The following KRI1 variants were observed in gnomAD, a reference collection of about 807,000 sequenced individuals.
KRI1 encodes the protein KRI1 homolog.
Under a neutral mutation model 97.0 loss-of-function variants are expected in KRI1, and 83 were observed. The observed-to-expected ratio is 0.86, with a 90% CI of 0.72 to 1.03. The LOEUF is 1.03. Among genes scored for constraint, KRI1 ranks in the 50% least tolerant of loss-of-function variants. The probability of loss-of-function intolerance (pLI) is 0.00; values close to 1 mark genes in which losing one functional copy is unlikely to be tolerated. For synonymous variants in KRI1, 371 were observed against 363.5 expected (o/e 1.02, Z -0.23); for missense variants, 916 against 928.4 (o/e 0.99, Z 0.17).
Position 10,557,549 on chromosome 19 carries a change from T to C in KRI1, c.1617+3A>G, listed in dbSNP as rs1489567802. 2 of 1,612,516 alleles carry C rather than the reference T, an allele frequency of 1.2e-6. No individual in the cohort carries two copies. The highest frequency in any genetic ancestry group is 1.7e-6 in the Non-Finnish European group (2 of 1,178,654). Reference sequence around the variant, plus strand: ...AGTGTCCCTGCCTGCCCGGGGCCCCTACCTCCTCAGTGCTGAGGCCAAAGT... The same window carrying C: ...AGTGTCCCTGCCTGCCCGGGGCCCCCACCTCCTCAGTGCTGAGGCCAAAGT... On this transcript the variant is annotated splice_donor_region_variant and intron_variant, in intron 16 of 18. Coordinates refer to ENST00000312962, the MANE Select transcript of KRI1 (RefSeq NM_023008.5).
At chr19:10,565,460 G>A (rs1351638512) in intron 2 of KRI1, 8 of 553,694 alleles carry the variant, frequency 1.4e-5, no homozygotes, top group East Asian at 9.7e-5. Context: ...GAAAGGGGGG[G>A]TTCTTGGGGG....
chr19:10,562,976 G>A (rs907091237), intron 3 of KRI1, 139 bp from the exon 4 acceptor site: 6 of 615,910 alleles, frequency 9.7e-6, no homozygotes, highest in African/African-American at 9.1e-5. Context: ...CAAGAGTATT[G>A]TGCTTGTCAC....
intron 15 of KRI1, 26 bp downstream of exon 15, chr19:10,557,743 C>G: frequency 6.2e-7 from 1 of 1,613,482 alleles, no homozygotes; most frequent in Admixed American, 1.7e-5. Flanking sequence ...CCCTGCCTAC[C>G]CACGGCCTGC....
chr19:10,554,977 CG>C, intron 18 of KRI1, 109 bp downstream of exon 18: 4 of 832,482 alleles, frequency 4.8e-6, no homozygotes, highest in South Asian at 1.7e-5. Flanking sequence ...GGTCTCAGAG[CG>C]GGGGGCGCTG....
intron 12 of KRI1, among the ~76,000 whole-genome samples, chr19:10,558,730 G>C (rs1265836862): frequency 6.6e-6 from 1 of 151,190 alleles, no homozygotes; most frequent in East Asian, 2.0e-4. Flanking sequence ...TTTTGAGACA[G>C]CGTCTCACCC....
rs771838615 is a variant in KRI1 at position 10,565,898 on chromosome 19, G to A, written c.94+8C>T. On this transcript the variant is annotated splice_region_variant and intron_variant, in intron 1 of 18. Transcript: ENST00000312962. ...GCAGGCTCCCGCGCGCATGCGCCCC[G>A]CACTCACGCCGCTGCAGTTCCTCGC... 2.0e-6 allele frequency: 3 copies of A among 1,531,804 alleles called. No individual in the cohort carries two copies. Among genetic ancestry groups the A allele is most frequent in the African/African-American group, 1.4e-5 (1 of 70,676 alleles). 94.9% of individuals were successfully genotyped at this position (1,531,804 alleles called of 1,614,324 possible). A position where few individuals can be genotyped will look rare whatever the true frequency, so the allele number is the denominator to read the frequency against.
At chr19:10,555,411 C>T (rs981725163) in intron 16 of KRI1, 62 bp from the exon 17 acceptor site, 28 of 1,569,082 alleles carry the variant, frequency 1.8e-5, no homozygotes, top group Non-Finnish European at 2.4e-5. Context: ...CTTCCCTGAG[C>T]CTAAGTCATG....
chr19:10,554,605 G>A (rs897270502), intron 18 of KRI1, among the ~76,000 whole-genome samples: 20 of 151,990 alleles, frequency 1.3e-4, no homozygotes, highest in Non-Finnish European at 4.4e-5. Flanking sequence ...GAGTGCAGTC[G>A]CGTTACCATA....
chr19:10,565,183 A>T, intron 2 of KRI1, 149 bp from the exon 3 acceptor site: 2 of 641,848 alleles, frequency 3.1e-6, no homozygotes, highest in Non-Finnish European at 2.8e-6. Context: ...CAGGAGGGAG[A>T]GGGGCCCTCT....
chr19:10,557,680 C>T lies in KRI1; in HGVS notation c.1489G>A (p.Asp497Asn), dbSNP rs368953047. The change falls in exon 16 of 19, where the codon GAC (aspartate) becomes AAC (asparagine). Residue 497 changes from aspartate (D) to asparagine (N), a missense_variant and splice_region_variant. Coordinates refer to ENST00000312962, the MANE Select transcript of KRI1 (RefSeq NM_023008.5). Reference sequence around the variant, plus strand: ...TCCAGGTACTCCTCGAACGTCTTGTCCCCTGCTCGAGACAGAGCCAGGCTG... The same window carrying T: ...TCCAGGTACTCCTCGAACGTCTTGTTCCCTGCTCGAGACAGAGCCAGGCTG... ...GQEKPVFEPGDKTFEEYLDEY... is the reference protein window; with the variant it reads ...GQEKPVFEPGNKTFEEYLDEY... The T allele has an allele frequency of 1.2e-6, 2 of 1,614,180 alleles. No individual in the cohort carries two copies. The highest frequency in any genetic ancestry group is 2.2e-5 in the East Asian group (1 of 44,882).
At position 10,554,223 on chromosome 19, in the gene KRI1, T is replaced by C. The variant is rs747839527; in HGVS notation, c.1840A>G (p.Arg614Gly). ...KPQRDEAGPQ[R>G]QLPALDGSLM... The stretch of plus-strand genomic sequence containing the variant: ...CTGCCATCAAGGGCTGGCAGCTGCC[T>C]CTGTGGGCCGGCTTCATCTCTCTGT... The change falls in exon 19 of 19, where the codon AGG becomes GGG. Residue 614 changes from arginine to glycine, a missense_variant. Physicochemically the swap from Arg to Gly is moderately radical, Grantham distance 125 (BLOSUM62 -2). This residue lies in a region of KRI1 where 672 missense variants were observed against 667.2 expected (regional missense o/e 1.01). Coordinates refer to ENST00000312962, the MANE Select transcript of KRI1 (RefSeq NM_023008.5). The C allele has an allele frequency of 6.2e-7, 1 of 1,614,042 alleles. No individual in the cohort carries two copies. Among genetic ancestry groups the C allele is most frequent in the Admixed American group, 1.7e-5 (1 of 60,014 alleles).
Position 10,553,868 on chromosome 19 carries a change from G to T in KRI1, c.*83C>A. 3 of 1,152,290 alleles carry T rather than the reference G, an allele frequency of 2.6e-6. No individual in the cohort carries two copies. The highest frequency in any genetic ancestry group is 3.6e-6 in the Non-Finnish European group (3 of 836,748). 71.4% of individuals were successfully genotyped at this position (1,152,290 alleles called of 1,614,324 possible). A position where few individuals can be genotyped will look rare whatever the true frequency, so the allele number is the denominator to read the frequency against. ...GGCCACAGATGAGAGGATCTCTGCAGCAGATAGTACTTGTGGGTGCGAGAC... is the reference window on the plus strand; with the variant it reads ...GGCCACAGATGAGAGGATCTCTGCATCAGATAGTACTTGTGGGTGCGAGAC... On this transcript the variant is annotated 3_prime_UTR_variant, in exon 19 of 19. Coordinates refer to ENST00000312962, the MANE Select transcript of KRI1 (RefSeq NM_023008.5).
chr19:10,561,162 T>A lies in KRI1; in HGVS notation c.585+7A>T, dbSNP rs1189710374. 6.2e-7 allele frequency: 1 copy of A among 1,613,866 alleles called. No homozygotes were observed. Among genetic ancestry groups the A allele is most frequent in the Admixed American group, 1.7e-5 (1 of 59,992 alleles). On this transcript the variant is annotated splice_region_variant and intron_variant, in intron 7 of 18. Transcript: ENST00000312962. ...CCCCAGCAGTCCAGTCAGGCCCCAGTACCCACCTTCTCCTGCCTGGTTTTG... is the reference window on the plus strand; with the variant it reads ...CCCCAGCAGTCCAGTCAGGCCCCAGAACCCACCTTCTCCTGCCTGGTTTTG...
intron 18 of KRI1, 102 bp from the exon 19 acceptor site, chr19:10,554,383 G>A (rs1916426709): frequency 9.6e-7 from 1 of 1,043,460 alleles, no homozygotes; most frequent in Non-Finnish European, 1.4e-6. Context: ...GGGGCATAGT[G>A]AAGCAGCCGC....
rs779609714 is a variant in KRI1 at position 10,561,729 on chromosome 19, C to A, written c.439-13G>T. ...GCGACGATGTCTCCTGCAGAGAGGG[C>A]CATAGGTCTCAGGCCAGCCCCAGGC... On this transcript the variant is annotated splice_polypyrimidine_tract_variant and intron_variant, in intron 5 of 18. Transcript: ENST00000312962. 1 of 1,614,088 alleles carries A rather than the reference C, an allele frequency of 6.2e-7. No homozygotes were observed. Among genetic ancestry groups the A allele is most frequent in the South Asian group, 1.1e-5 (1 of 91,080 alleles).
Position 10,557,699 on chromosome 19 carries a change from C to T in KRI1, c.1487-17G>A. ...TCTTGTCCCCTGCTCGAGACAGAGC[C>T]AGGCTGCTGGGCTATGCCAGGCCCC... is the stretch of plus-strand genomic sequence containing the variant. On this transcript the variant is annotated splice_polypyrimidine_tract_variant and intron_variant, in intron 15 of 18. Coordinates refer to ENST00000312962, the MANE Select transcript of KRI1 (RefSeq NM_023008.5). 2 of 1,614,088 alleles carry T rather than the reference C, an allele frequency of 1.2e-6. No homozygotes were observed. The highest frequency in any genetic ancestry group is 1.7e-6 in the Non-Finnish European group (2 of 1,179,924).
At position 10,559,673 on chromosome 19, in the gene KRI1, C is replaced by T. The variant is rs1164056152; in HGVS notation, c.963G>A (p.Val321=). Residue 321 remains valine, a synonymous_variant, in exon 11 of 19, where the codon GTG becomes GTA. Coordinates refer to ENST00000312962, the MANE Select transcript of KRI1 (RefSeq NM_023008.5). Reference sequence around the variant, plus strand: ...CCTTTCTGCGCTCATCCTTACGGCGCACGGAGGACGCGATGCTGCGTGGGT... The same window carrying T: ...CCTTTCTGCGCTCATCCTTACGGCGTACGGAGGACGCGATGCTGCGTGGGT... The part of the protein sequence containing the change: ...KTYPRSIASS[V]RRKDERRKEK... The T allele has an allele frequency of 6.2e-7, 1 of 1,614,034 alleles. No individual in the cohort carries two copies. Among genetic ancestry groups the T allele is most frequent in the Admixed American group, 1.7e-5 (1 of 59,992 alleles).
At position 10,561,234 on chromosome 19, in the gene KRI1, C is replaced by T. The variant is rs748568496; in HGVS notation, c.520G>A (p.Glu174Lys). 6.2e-6 allele frequency: 10 copies of T among 1,614,160 alleles called. No individual in the cohort carries two copies. Among genetic ancestry groups the T allele is most frequent in the African/African-American group, 2.7e-5 (2 of 75,054 alleles). The change falls in exon 7 of 19, where the codon GAG becomes AAG. Residue 174 changes from glutamate (E) to lysine (K), a missense_variant. Physicochemically the swap from Glu to Lys is moderately conservative, Grantham distance 56. Around this residue, in one of 3 missense-constraint regions of KRI1, gnomAD observed 71 missense variants for 108.1 expected, o/e 0.66. Transcript: ENST00000312962. ...GAGCCGCCCTCCCCAGCGCCGTCCT[C>T]GTCCTCACTGTCCTCCACAAATGCC... is the stretch of plus-strand genomic sequence containing the variant. The part of the protein sequence containing the change: ...FRAFVEDSED[E>K]DGAGEGGSSL...
At position 10,557,672 on chromosome 19, in the gene KRI1, C is replaced by G. The variant is rs746855889; in HGVS notation, c.1497G>C (p.Thr499=). Residue 499 remains threonine, a synonymous_variant, in exon 16 of 19, where the codon ACG becomes ACC. Transcript: ENST00000312962. ...EKPVFEPGDK[T]FEEYLDEYYR... Reference sequence around the variant, plus strand: ...AATACTCATCCAGGTACTCCTCGAACGTCTTGTCCCCTGCTCGAGACAGAG... The same window carrying G: ...AATACTCATCCAGGTACTCCTCGAAGGTCTTGTCCCCTGCTCGAGACAGAG... 2 of 1,614,194 alleles carry G rather than the reference C, an allele frequency of 1.2e-6. No homozygotes were observed. The highest frequency in any genetic ancestry group is 2.2e-5 in the South Asian group (2 of 91,086).
Sources: gnomAD v4.1 joint callset for allele counts (sites outside exome capture counted in the v4.1 genomes callset) on GRCh38, gnomAD v4.1.1 for gene constraint, gnomAD v4.1.1 regional missense constraint, MANE v1.5 for transcripts, NCBI Gene and HGNC (gene_info 2026-07-23, HGNC 2026-07-21) for gene names.